Variants in ZNF148 observed in about 807,000 individuals in gnomAD.
The protein encoded by ZNF148 is Beta-Enolase Repressor Factor-1.
A neutral mutation model predicts 67.7 loss-of-function variants in ZNF148; 7 were observed. The ratio of observed to expected loss-of-function variants is 0.10; its 90% confidence interval spans 0.06 to 0.19. The LOEUF is 0.19. Among genes scored for constraint, ZNF148 ranks in the 10% least tolerant of loss-of-function variants. ZNF148 has a pLI of 1.00. For synonymous variants in ZNF148, 333 were observed against 330.7 expected, an observed-to-expected ratio of 1.01 and a Z score of -0.08; for missense variants, 583 against 947.1, an observed-to-expected ratio of 0.62 and a Z score of 5.05.
intron 3 of ZNF148, among the ~76,000 whole-genome samples, chr3:125,320,100 T>G (rs1003019924): frequency 1.3e-5 from 2 of 152,224 alleles, no homozygotes; most frequent in Non-Finnish European, 2.9e-5. Flanking sequence ...CTGTTACTCA[T>G]ATCTCAGTGA....
intron 4 of ZNF148, among the ~76,000 whole-genome samples, chr3:125,289,537 T>C (rs1315447595): frequency 6.6e-6 from 1 of 152,154 alleles, no homozygotes; most frequent in Non-Finnish European, 1.5e-5. Flanking sequence ...GATGGTAAAA[T>C]CACCACCTAC....
chr3:125,231,989 A>C lies in ZNF148; in HGVS notation c.*352T>G. On this transcript the variant is annotated 3_prime_UTR_variant, in exon 9 of 9. Coordinates refer to ENST00000360647, the MANE Select transcript of ZNF148 (RefSeq NM_021964.3). ...GAAAAACTTAGAAACAGTATGAGTA[A>C]ATTTCACACAATTACTAATCTCCTA... 1 of 181,698 alleles carries C rather than the reference A, an allele frequency of 5.5e-6. No homozygotes were observed. Among genetic ancestry groups the C allele is most frequent in the East Asian group, 1.4e-4 (1 of 7,036 alleles). 11.3% of individuals were successfully genotyped at this position (181,698 alleles called of 1,614,324 possible). A position where few individuals can be genotyped will look rare whatever the true frequency, so the allele number is the denominator to read the frequency against.
chr3:125,303,264 G>A (rs1939689785), intron 4 of ZNF148, among the ~76,000 whole-genome samples: 1 of 152,176 alleles, frequency 6.6e-6, no homozygotes, highest in Non-Finnish European at 1.5e-5. Flanking sequence ...AGAGATCTTT[G>A]TTATCCTGGC....
chr3:125,248,357 A>G (rs540480249), intron 7 of ZNF148, among the ~76,000 whole-genome samples: 1 of 152,202 alleles, frequency 6.6e-6, no homozygotes, highest in Admixed American at 6.5e-5. Context: ...GTGCCCTATA[A>G]TAAGAGCTCA....
intron 7 of ZNF148, among the ~76,000 whole-genome samples, chr3:125,259,846 C>T (rs1190147891): frequency 1.3e-5 from 2 of 152,172 alleles, no homozygotes; most frequent in East Asian, 3.8e-4. Context: ...GCTTTTCAGC[C>T]TCTCTTGGCT....
intron 3 of ZNF148, among the ~76,000 whole-genome samples, chr3:125,317,722 T>A (rs1375692194): frequency 2.8e-5 from 4 of 143,144 alleles, no homozygotes; most frequent in Non-Finnish European, 6.2e-5. Flanking sequence ...TATTTTTTTT[T>A]TTTTCTGGTA....
chr3:125,281,696 C>A (rs370512247), intron 5 of ZNF148, among the ~76,000 whole-genome samples: 1 of 152,182 alleles, frequency 6.6e-6, no homozygotes, highest in South Asian at 2.1e-4. Flanking sequence ...ATTGTAGATT[C>A]AAGCCTTAAT....
intron 1 of ZNF148, among the ~76,000 whole-genome samples, chr3:125,361,699 C>T (rs145283488): frequency 1.3e-5 from 2 of 152,094 alleles, no homozygotes; most frequent in East Asian, 1.9e-4. Context: ...CCGGACATGG[C>T]GGCTCATGCC....
chr3:125,307,074 C>CTA (rs1939920174), intron 4 of ZNF148, among the ~76,000 whole-genome samples: 2 of 149,602 alleles, frequency 1.3e-5, no homozygotes, highest in African/African-American at 5.0e-5. Context: ...AAAAGAAAAC[C>CTA]ATGGACTAAT....
intron 7 of ZNF148, among the ~76,000 whole-genome samples, chr3:125,273,397 A>G (rs1002336675): frequency 6.6e-6 from 1 of 152,178 alleles, no homozygotes; most frequent in Non-Finnish European, 1.5e-5. Flanking sequence ...TCTAAGAACT[A>G]AAGGCTTAAA....
intron 7 of ZNF148, among the ~76,000 whole-genome samples, chr3:125,253,862 G>A (rs1035750008): frequency 2.0e-5 from 3 of 152,092 alleles, no homozygotes; most frequent in African/African-American, 7.2e-5. Flanking sequence ...GACAGAAATA[G>A]GTCTGCAATT....
At chr3:125,299,902 G>A (rs1425863742) in intron 4 of ZNF148, among the ~76,000 whole-genome samples, 3 of 152,166 alleles carry the variant, frequency 2.0e-5, no homozygotes, top group Admixed American at 6.5e-5. Flanking sequence ...CTTAAAACAA[G>A]CTCAATTAAA....
rs974538383 is a variant in ZNF148, at chr3:125,323,437, T to A, written c.-145A>T. On this transcript the variant is annotated 5_prime_UTR_variant, in exon 3 of 9. It removes an upstream start codon present in the reference 5' UTR. Coordinates refer to ENST00000360647, the MANE Select transcript of ZNF148 (RefSeq NM_021964.3). ...AATACCACCTTAATCACTTATGCCA[T>A]CCGATTCCTACAATAAAACACACAC... is the stretch of plus-strand genomic sequence containing the variant. 2.3e-5 allele frequency: 16 copies of A among 682,364 alleles called. No homozygotes were observed. The highest frequency in any genetic ancestry group is 2.3e-4 in the Middle Eastern group (1 of 4,282). The allele number at this position is 682,364 out of a possible 1,614,324, so 42.3% of individuals were successfully genotyped here. A position where few individuals can be genotyped will look rare whatever the true frequency, so the allele number is the denominator to read the frequency against.
intron 1 of ZNF148, among the ~76,000 whole-genome samples, chr3:125,338,139 A>G (rs917971886): frequency 6.6e-6 from 1 of 152,104 alleles, no homozygotes; most frequent in African/African-American, 2.4e-5. Flanking sequence ...CAGATCCTCC[A>G]CCTCCTAATA....
At chr3:125,240,883 T>C (rs562022767) in intron 7 of ZNF148, among the ~76,000 whole-genome samples, 3 of 152,138 alleles carry the variant, frequency 2.0e-5, no homozygotes, top group Admixed American at 1.3e-4. Flanking sequence ...CCCAACTAAA[T>C]AGAGCAATTA....
chr3:125,274,512 GACA>G (rs966657894), intron 7 of ZNF148, among the ~76,000 whole-genome samples: 2 of 152,120 alleles, frequency 1.3e-5, no homozygotes, highest in African/African-American at 2.4e-5. Context: ...GTGTTTCATA[GACA>G]AGCCCAAATG....
chr3:125,334,273 C>T (rs1941403613), intron 1 of ZNF148, among the ~76,000 whole-genome samples: 1 of 152,134 alleles, frequency 6.6e-6, no homozygotes, highest in African/African-American at 2.4e-5. Flanking sequence ...TTTTTTATCA[C>T]ATGATATATT....
chr3:125,338,177 G>A (rs945444934), intron 1 of ZNF148, among the ~76,000 whole-genome samples: 4 of 151,908 alleles, frequency 2.6e-5, no homozygotes, highest in African/African-American at 9.7e-5. Context: ...AACACCACAG[G>A]TAAGGTCATT....
chr3:125,245,306 G>T (rs1936546765), intron 7 of ZNF148, among the ~76,000 whole-genome samples: 5 of 152,096 alleles, frequency 3.3e-5, no homozygotes, highest in Non-Finnish European at 7.4e-5. Context: ...TCTCCTGATA[G>T]TGAGTTCTCA....
Sources: gnomAD v4.1 joint callset for allele counts (sites outside exome capture counted in the v4.1 genomes callset) on GRCh38, gnomAD v4.1.1 for gene constraint, MANE v1.5 for transcripts, NCBI Gene and HGNC (gene_info 2026-07-23, HGNC 2026-07-21) for gene names.